The following PHEX variants were observed in gnomAD, a reference collection of about 807,000 sequenced individuals.
PHEX encodes the protein phosphate regulating endopeptidase X-linked, also known as phosphate-regulating neutral endopeptidase PHEX.
PHEX carries 16 observed loss-of-function variants against 68.0 expected under a neutral mutation model. The ratio of observed to expected loss-of-function variants is 0.24; its 90% confidence interval spans 0.16 to 0.36. The LOEUF (loss-of-function observed/expected upper bound fraction) is 0.36. Ranked by LOEUF, PHEX falls within the 10% of genes least tolerant of loss-of-function variation. The pLI is 1.00. For synonymous variants in PHEX, 208 were observed against 205.1 expected (o/e 1.01, Z -0.12); for missense variants, 480 against 575.5 (o/e 0.83, Z 1.70).
intron 15 of PHEX, among the ~76,000 whole-genome samples, chrX:22,204,885 G>A (rs963033235): frequency 5.4e-5 from 6 of 110,898 alleles, no homozygotes; most frequent in African/African-American, 2.0e-4. Context: ...ACATAGAGTA[G>A]TTTAGTAATA....
chrX:22,195,650 C>A (rs1314862710), intron 15 of PHEX, among the ~76,000 whole-genome samples: 1 of 110,458 alleles, frequency 9.1e-6, no homozygotes, highest in Non-Finnish European at 1.9e-5. Context: ...TGTATGCATG[C>A]AACTGACTAA....
At chrX:22,196,007 T>C (rs896970264) in intron 15 of PHEX, among the ~76,000 whole-genome samples, 9 of 111,342 alleles carry the variant, frequency 8.1e-5, no homozygotes, top group African/African-American at 2.6e-4. Flanking sequence ...CAAGACCCTG[T>C]GTCTACAAAA....
At chrX:22,241,240 C>A (rs1936181517) in intron 20 of PHEX, among the ~76,000 whole-genome samples, 3 of 111,997 alleles carry the variant, frequency 2.7e-5, no homozygotes, top group South Asian at 7.4e-4. Flanking sequence ...AGAACAAAGA[C>A]ACAACGTACC....
intron 12 of PHEX, among the ~76,000 whole-genome samples, chrX:22,166,610 C>A (rs1391788430): frequency 9.0e-6 from 1 of 110,868 alleles, no homozygotes; most frequent in African/African-American, 3.3e-5. Flanking sequence ...TATCCATCAC[C>A]TCATATATTT....
chrX:22,233,916 C>G (rs1226371033), intron 20 of PHEX, among the ~76,000 whole-genome samples: 1 of 112,203 alleles, frequency 8.9e-6, no homozygotes, highest in Non-Finnish European at 1.9e-5. Context: ...AACTTTTAGC[C>G]TCTTTGTGCT....
intron 20 of PHEX, among the ~76,000 whole-genome samples, chrX:22,239,134 A>G (rs1030175593): frequency 1.8e-5 from 2 of 112,012 alleles, no homozygotes; most frequent in African/African-American, 6.5e-5. Context: ...CCTACAGCAG[A>G]GGAGCCCTGA....
intron 21 of PHEX, among the ~76,000 whole-genome samples, chrX:22,246,815 T>C (rs1042638773): frequency 8.9e-6 from 1 of 112,040 alleles, no homozygotes; most frequent in African/African-American, 3.2e-5. Flanking sequence ...TTTATGCAAA[T>C]GCCCGTAGGT....
At chrX:22,062,286 A>G (rs1384860797) in intron 3 of PHEX, among the ~76,000 whole-genome samples, 1 of 111,658 alleles carries the variant, frequency 9.0e-6, no homozygotes, top group Non-Finnish European at 1.9e-5. Flanking sequence ...TTAGAGACCT[A>G]TAAAGATACC....
intron 11 of PHEX, 69 bp downstream of exon 11, chrX:22,114,655 C>T: frequency 1.0e-6 from 1 of 967,081 alleles, no homozygotes; most frequent in Non-Finnish European, 1.5e-6. Context: ...GTATATTCAA[C>T]AGGCTAATGT....
intron 13 of PHEX, among the ~76,000 whole-genome samples, chrX:22,176,504 T>G (rs1933716167): frequency 9.2e-6 from 1 of 109,021 alleles, no homozygotes; most frequent in South Asian, 4.0e-4. Flanking sequence ...AACACATCTA[T>G]TTTAACACAT....
chrX:22,133,652 A>T (rs755872072), intron 12 of PHEX, 28 bp downstream of exon 12: 56 of 1,062,795 alleles, frequency 5.3e-5, no homozygotes, highest in Non-Finnish European at 7.2e-5. Flanking sequence ...TGAAAAAAAA[A>T]TAAGACTTCT....
chrX:22,166,988 A>G (rs1569416639), intron 12 of PHEX, among the ~76,000 whole-genome samples: 2 of 112,192 alleles, frequency 1.8e-5, no homozygotes. Flanking sequence ...TCCATTGTGT[A>G]TATATACTAC....
chrX:22,208,749 G>A (rs1934792797), intron 15 of PHEX, among the ~76,000 whole-genome samples: 1 of 111,781 alleles, frequency 8.9e-6, no homozygotes, highest in Non-Finnish European at 1.9e-5. Context: ...AAAACCACTG[G>A]CAGGTATGTC....
At chrX:22,119,920 C>T (rs752449360) in intron 11 of PHEX, among the ~76,000 whole-genome samples, 1 of 110,815 alleles carries the variant, frequency 9.0e-6, no homozygotes, top group Non-Finnish European at 1.9e-5. Context: ...ATTATTATTG[C>T]TTATATCTGT....
At chrX:22,132,678 C>CATGCA (rs1451708830) in intron 11 of PHEX, among the ~76,000 whole-genome samples, 1 of 111,307 alleles carries the variant, frequency 9.0e-6, no homozygotes, top group Non-Finnish European at 1.9e-5. Flanking sequence ...ATGCACAGCC[C>CATGCA]ATGCCTTTCC....
chrX:22,123,078 C>T (rs1931558469), intron 11 of PHEX, among the ~76,000 whole-genome samples: 1 of 105,150 alleles, frequency 9.5e-6, no homozygotes, highest in Non-Finnish European at 1.9e-5. Context: ...CAGCCTCTGC[C>T]TCCCAGGCTC....
At chrX:22,081,498 G>A (rs1416697066) in intron 5 of PHEX, among the ~76,000 whole-genome samples, 1 of 111,277 alleles carries the variant, frequency 9.0e-6, no homozygotes, top group Non-Finnish European at 1.9e-5. Flanking sequence ...AATTTTCTTC[G>A]GTGTGCTTAG....
At chrX:22,177,792 C>T (rs757008403) in intron 13 of PHEX, among the ~76,000 whole-genome samples, 86 of 111,607 alleles carry the variant, frequency 7.7e-4, no homozygotes, top group Non-Finnish European at 6.4e-4. Context: ...TTTTCCTTTA[C>T]GAACAACTAC....
chrX:22,130,436 G>A (rs775434640), intron 11 of PHEX, among the ~76,000 whole-genome samples: 1 of 108,507 alleles, frequency 9.2e-6, no homozygotes, highest in South Asian at 4.1e-4. Context: ...CAGCTACTTA[G>A]GAGGCTGAGG....
Sources: gnomAD v4.1 joint callset for allele counts (sites outside exome capture counted in the v4.1 genomes callset) on GRCh38, gnomAD v4.1.1 for gene constraint, MANE v1.5 for transcripts, NCBI Gene and HGNC (gene_info 2026-07-23, HGNC 2026-07-21) for gene names.